GPKOW: variants seen among roughly 807,000 people sequenced by gnomAD.
The protein encoded by GPKOW is G-patch domain and KOW motifs.
For missense variants in GPKOW, 359 were observed against 404.7 expected (o/e 0.89, Z 0.97); for synonymous variants, 167 against 159.1 (o/e 1.05, Z -0.37).
chrX:49,119,602 T>G, intron 4 of GPKOW, 103 bp downstream of exon 4: 1 of 466,009 alleles, frequency 2.1e-6, no homozygotes, highest in Non-Finnish European at 3.7e-6. Context: ...CGATAATGTA[T>G]CCTCCCTCCC....
At chrX:49,120,666 C>CT (rs1172729527) in intron 3 of GPKOW, among the ~76,000 whole-genome samples, 51 of 102,671 alleles carry the variant, frequency 5.0e-4, no homozygotes, top group South Asian at 1.3e-3. Flanking sequence ...CCAAGGTTTT[C>CT]TTTTTTTTTT....
Position 49,122,488 on chromosome X carries a change from C to T in GPKOW, c.366G>A (p.Ala122=), listed in dbSNP as rs144250502. ...SKKSLEEREN[A]GVDPTLAIPM... is the part of the protein sequence containing the mutation. ...GGATAGCGAGCGTGGGGTCGACACCCGCATTCTCTCTCTCTTCCAGAGACT... is the reference window on the plus strand; with the variant it reads ...GGATAGCGAGCGTGGGGTCGACACCTGCATTCTCTCTCTCTTCCAGAGACT... Residue 122 remains alanine, a synonymous_variant, in exon 3 of 11, where the codon GCG becomes GCA. Transcript: ENST00000156109. 730 of 1,203,720 alleles carry T rather than the reference C, an allele frequency of 6.1e-4. No individual in the cohort carries two copies. The highest frequency in any genetic ancestry group is 7.8e-4 in the Non-Finnish European group (696 of 892,167).
intron 3 of GPKOW, among the ~76,000 whole-genome samples, chrX:49,121,385 A>G (rs1192485620): frequency 7.2e-5 from 8 of 111,199 alleles, no homozygotes; most frequent in African/African-American, 2.6e-4. Flanking sequence ...CCGAGATCAC[A>G]CCACTTCACT....
In GPKOW at chrX:49,116,367, TGAG is replaced by T. The variant is rs199790158; in HGVS notation, c.914-47_914-45del. ...CTCATCTGGCCTGTTCAAGAGGTTATGAGGAGAACCAGGACAGAGCCTCAGTGT... is the reference window on the plus strand; with the variant it reads ...CTCATCTGGCCTGTTCAAGAGGTTATGAGAACCAGGACAGAGCCTCAGTGT... On this transcript the variant is annotated intron_variant, in intron 6 of 10. Coordinates refer to ENST00000156109, the MANE Select transcript of GPKOW (RefSeq NM_015698.6). 0.017 allele frequency: 14,461 copies of T among 868,021 alleles called. 1,238 individuals carry two copies. In the African/African-American group the frequency reaches 0.25, roughly 15 times the overall value. The allele number at this position is 868,021 out of a possible 1,213,427, so 71.5% of individuals were successfully genotyped here. A position where few individuals can be genotyped will look rare whatever the true frequency, so the allele number is the denominator to read the frequency against.
At chrX:49,117,983 C>T (rs1404715793) in intron 4 of GPKOW, among the ~76,000 whole-genome samples, 173 bp from the exon 5 acceptor site, 1 of 103,206 alleles carries the variant, frequency 9.7e-6, no homozygotes, top group African/African-American at 3.6e-5. Context: ...TACAATGGCT[C>T]GATCTCGACT....
Position 49,113,497 on chromosome X carries a change from G to T in GPKOW, c.*124C>A. The T allele has an allele frequency of 1.5e-6, 1 of 675,861 alleles. No homozygotes were observed. Among genetic ancestry groups the T allele is most frequent in the Non-Finnish European group, 2.3e-6 (1 of 435,897 alleles). The allele number at this position is 675,861 out of a possible 1,213,427, so 55.7% of individuals were successfully genotyped here. On this transcript the variant is annotated 3_prime_UTR_variant, in exon 11 of 11. Coordinates refer to ENST00000156109, the MANE Select transcript of GPKOW (RefSeq NM_015698.6). ...ACTGGTTCACCCATCCCTTTCCCTT[G>T]TCCTTGTCCCAGGACTGCACCAGAA...
intron 9 of GPKOW, 117 bp from the exon 10 acceptor site, chrX:49,114,055 T>C (rs1255255804): frequency 2.0e-6 from 1 of 501,227 alleles, no homozygotes; most frequent in Non-Finnish European, 3.5e-6. Context: ...CCCAGCACTT[T>C]GGGAGGCTAA....
chrX:49,115,060 A>G (rs1482842124), intron 9 of GPKOW, among the ~76,000 whole-genome samples: 1 of 110,232 alleles, frequency 9.1e-6, no homozygotes, highest in Admixed American at 9.8e-5. Context: ...GTAGTTTACA[A>G]AAATCACTGT....
Position 49,122,452 on chromosome X carries a change from C to G in GPKOW, c.402G>C (p.Gln134His). Residue 134 changes from glutamine to histidine, a missense_variant, in exon 3 of 11, where the codon CAG becomes CAC. By Grantham distance (24) the Gln-to-His change is conservative. Transcript: ENST00000156109. ...VDPTLAIPMI[Q>H]KGCTPSGEGA... is the part of the protein sequence containing the mutation. ...CTTCCCCGCTGGGGGTGCATCCTTT[C>G]TGGATCATGGGGATAGCGAGCGTGG... 7 of 1,194,901 alleles carry G rather than the reference C, an allele frequency of 5.9e-6. No homozygotes were observed. The highest frequency in any genetic ancestry group is 7.9e-6 in the Non-Finnish European group (7 of 888,795).
Position 49,119,803 on chromosome X carries a change from C to T in GPKOW, c.468G>A (p.Glu156=), listed in dbSNP as rs2065207505. 1.7e-6 allele frequency: 2 copies of T among 1,166,359 alleles called. No individual in the cohort carries two copies. Residue 156 remains glutamate, a synonymous_variant, in exon 4 of 11, where the codon GAG becomes GAA. Coordinates refer to ENST00000156109, the MANE Select transcript of GPKOW (RefSeq NM_015698.6). ...CCACGGGGACCGCCTCATAATTAGC[C>T]TCCTCTGGCACCTACAGGTTCAGGT... ...SEPRAETVPE[E]ANYEAVPVEA...
chrX:49,115,525 A>G (rs1250161728), intron 9 of GPKOW, among the ~76,000 whole-genome samples: 3 of 107,509 alleles, frequency 2.8e-5, no homozygotes, highest in Admixed American at 1.0e-4. Flanking sequence ...AAAAAAAGAA[A>G]AAAAAGAAAA....
intron 3 of GPKOW, among the ~76,000 whole-genome samples, chrX:49,121,841 T>G (rs1165307560): frequency 2.7e-5 from 3 of 111,971 alleles, no homozygotes; most frequent in Non-Finnish European, 5.6e-5. Flanking sequence ...CACTCTGGTC[T>G]AAGTCCCCAG....
chrX:49,122,604 TA>T lies in GPKOW; in HGVS notation c.331+17del, dbSNP rs1557091252. The T allele has an allele frequency of 8.3e-7, 1 of 1,207,451 alleles. No individual in the cohort carries two copies. The highest frequency in any genetic ancestry group is 1.1e-6 in the Non-Finnish European group (1 of 892,143). On this transcript the variant is annotated intron_variant, in intron 2 of 10. Coordinates refer to ENST00000156109, the MANE Select transcript of GPKOW (RefSeq NM_015698.6). Reference sequence around the variant, plus strand: ...CTCTTCTTCCTTCAATGGGGAAGGGTAAAGGGGTATCACTCACCCGCAATGA... The same window carrying T: ...CTCTTCTTCCTTCAATGGGGAAGGGTAAGGGGTATCACTCACCCGCAATGA...
chrX:49,114,024 G>A, intron 9 of GPKOW, 86 bp from the exon 10 acceptor site: 8 of 635,465 alleles, frequency 1.3e-5, no homozygotes, highest in Non-Finnish European at 2.1e-5. Flanking sequence ...CTGGCCAGGC[G>A]TGGTGGCTCA....
At chrX:49,122,290 G>GATCT in intron 3 of GPKOW, 108 bp downstream of exon 3, 1 of 614,168 alleles carries the variant, frequency 1.6e-6, no homozygotes, top group South Asian at 4.1e-5. Flanking sequence ...GGGGCAGGTG[G>GATCT]CGGGCCTCTA....
Position 49,113,564 on chromosome X carries a change from C to CT in GPKOW, c.*56dup. Reference sequence around the variant, plus strand: ...TGATCTTCCCACCTTCTGAAGGCAACTTTCTCATATGGTACAGAACTGGTA... The same window carrying CT: ...TGATCTTCCCACCTTCTGAAGGCAACTTTTCTCATATGGTACAGAACTGGTA... On this transcript the variant is annotated 3_prime_UTR_variant, in exon 11 of 11. Transcript: ENST00000156109. The CT allele has an allele frequency of 8.7e-7, 1 of 1,147,190 alleles. No individual in the cohort carries two copies. The highest frequency in any genetic ancestry group is 1.8e-5 in the African/African-American group (1 of 56,523). 94.5% of individuals were successfully genotyped at this position (1,147,190 alleles called of 1,213,427 possible). A position where few individuals can be genotyped will look rare whatever the true frequency, so the allele number is the denominator to read the frequency against.
At position 49,119,719 on chromosome X, in the gene GPKOW, G is replaced by A. The variant is rs781833436; in HGVS notation, c.552C>T (p.Gly184=). Residue 184 remains glycine, a synonymous_variant, in exon 4 of 11, where the codon GGC becomes GGT. Coordinates refer to ENST00000156109, the MANE Select transcript of GPKOW (RefSeq NM_015698.6). ...GMGWKPGEGI[G]RTFNQVVKPR... is the part of the protein sequence containing the mutation. ...CCAGAACTCACTGATTGAAGGTGCG[G>A]CCGATGCCCTCGCCAGGTTTCCAGC... is the stretch of plus-strand genomic sequence containing the variant. 2 of 1,181,056 alleles carry A rather than the reference G, an allele frequency of 1.7e-6. No homozygotes were observed. The highest frequency in any genetic ancestry group is 2.3e-6 in the Non-Finnish European group (2 of 868,258).
At chrX:49,120,483 T>A (rs781990489) in intron 3 of GPKOW, among the ~76,000 whole-genome samples, 1 of 110,454 alleles carries the variant, frequency 9.1e-6, no homozygotes, top group Non-Finnish European at 1.9e-5. Flanking sequence ...GAGGGACCAG[T>A]GAGGAAATTA....
chrX:49,120,999 T>C (rs1557090972), intron 3 of GPKOW, among the ~76,000 whole-genome samples: 2 of 111,288 alleles, frequency 1.8e-5, no homozygotes, highest in African/African-American at 6.5e-5. Context: ...AGAGGAAGGA[T>C]GGATGGAATT....
Sources: allele counts gnomAD v4.1 joint callset (sites outside exome capture counted in the v4.1 genomes callset), GRCh38; gene constraint gnomAD v4.1.1; transcripts MANE v1.5; gene names NCBI Gene and HGNC (gene_info 2026-07-23, HGNC 2026-07-21).